Variants in PRKN observed in about 807,000 individuals in gnomAD.
PRKN encodes E3 ubiquitin-protein ligase parkin.
Under a neutral mutation model 59.5 loss-of-function variants are expected in PRKN, and 56 were observed. The observed-to-expected ratio is 0.94, with a 90% CI of 0.76 to 1.18. PRKN has a LOEUF of 1.18. Among genes scored for constraint, PRKN ranks in the 50% most tolerant of loss-of-function variants. The pLI is 0.00. For missense variants in PRKN, 657 were observed against 596.4 expected, an observed-to-expected ratio of 1.10 and a Z score of -1.06; for synonymous variants, 250 against 222.1, an observed-to-expected ratio of 1.13 and a Z score of -1.12.
intron 9 of PRKN, among the ~76,000 whole-genome samples, chr6:161,543,802 G>T (rs1779701516): frequency 6.6e-6 from 1 of 152,166 alleles, no homozygotes; most frequent in African/African-American, 2.4e-5. Context: ...AGAGAACTCA[G>T]AAGGTTTGAT....
At chr6:162,511,860 G>T (rs1777634334) in intron 1 of PRKN, among the ~76,000 whole-genome samples, 1 of 152,084 alleles carries the variant, frequency 6.6e-6, no homozygotes, top group South Asian at 2.1e-4. Context: ...CACATAAAGA[G>T]ATTTTAATTT....
intron 7 of PRKN, among the ~76,000 whole-genome samples, chr6:161,711,831 G>C (rs569872184): frequency 1.3e-5 from 2 of 152,228 alleles, no homozygotes; most frequent in East Asian, 1.9e-4. Context: ...CAAACATCAG[G>C]CTCCTAGTTC....
At chr6:162,556,411 G>A (rs1779600988) in intron 1 of PRKN, among the ~76,000 whole-genome samples, 1 of 146,612 alleles carries the variant, frequency 6.8e-6, no homozygotes, top group African/African-American at 2.5e-5. Flanking sequence ...GTGTCAGTTT[G>A]GCAGACGCCT....
chr6:162,562,128 A>C (rs760572533), intron 1 of PRKN, among the ~76,000 whole-genome samples: 1 of 152,128 alleles, frequency 6.6e-6, no homozygotes, highest in Non-Finnish European at 1.5e-5. Flanking sequence ...AAAGGGCAAC[A>C]GACTGAATTG....
At position 161,518,632 on chromosome 6, in the gene PRKN, C is replaced by G. The variant is rs970054459; in HGVS notation, c.1083+30222G>C. On this transcript the variant is annotated intron_variant, in intron 9 of 11. Transcript: ENST00000366898. The surrounding 1 kb of genome is among the most constrained non-coding windows in gnomAD (Gnocchi z 5.0). ...CACGGCCTCCCCCTAGCAGCACAAG[C>G]CCAGCCTCCGCTCACCCAGCCCCCT... Among the ~76,000 whole-genome samples the G allele has an allele frequency of 1.3e-5, 2 of 152,216 alleles. No individual in the cohort carries two copies. The highest frequency in any genetic ancestry group is 4.8e-5 in the African/African-American group (2 of 41,464).
chr6:162,266,982 G>T (rs1780170548), intron 2 of PRKN, among the ~76,000 whole-genome samples: 1 of 151,944 alleles, frequency 6.6e-6, no homozygotes, highest in Admixed American at 6.6e-5. Context: ...ACTAAAAATC[G>T]ATACAAAAAA....
At chr6:162,458,366 C>G (rs552917030) in intron 1 of PRKN, among the ~76,000 whole-genome samples, 1 of 146,214 alleles carries the variant, frequency 6.8e-6, no homozygotes, top group African/African-American at 2.5e-5. Context: ...GCAGAGGTTG[C>G]AGTAAGCCAA....
At position 162,694,236 on chromosome 6, in the gene PRKN, C is replaced by CAAA. The variant is rs149337714; in HGVS notation, c.7+33423_7+33425dup. Among the ~76,000 whole-genome samples, 315 of 92,904 alleles carry CAAA rather than the reference C, an allele frequency of 3.4e-3. 1 individual carries two copies. The highest frequency in any genetic ancestry group is 4.5e-3 in the East Asian group (14 of 3,110). 60.9% of individuals were successfully genotyped at this position (92,904 alleles called of 152,430 possible). A position where few individuals can be genotyped will look rare whatever the true frequency, so the allele number is the denominator to read the frequency against. The stretch of plus-strand genomic sequence containing the variant: ...CACTCCAGCCTGGGCAACAGTGAGA[C>CAAA]AAAAAAAAAAAAAAAAAAAAAGAAG... On this transcript the variant is annotated intron_variant, in intron 1 of 11. Coordinates refer to ENST00000366898, the MANE Select transcript of PRKN (RefSeq NM_004562.3).
chr6:162,724,231 C>T (rs1779039968), intron 1 of PRKN, among the ~76,000 whole-genome samples: 1 of 152,148 alleles, frequency 6.6e-6, no homozygotes, highest in African/African-American at 2.4e-5. Context: ...CTTTTCTATT[C>T]TGCTTTATAT....
At chr6:162,230,616 A>G (rs1488876093) in intron 3 of PRKN, among the ~76,000 whole-genome samples, 3 of 152,246 alleles carry the variant, frequency 2.0e-5, no homozygotes, top group Non-Finnish European at 4.4e-5. Context: ...GTTCTAATAC[A>G]GAACAGCATA....
chr6:161,962,188 T>C (rs913938531), intron 6 of PRKN, among the ~76,000 whole-genome samples: 3 of 152,152 alleles, frequency 2.0e-5, no homozygotes, highest in Non-Finnish European at 4.4e-5. Context: ...CATGAGAAAA[T>C]AGAGCTACAT....
At chr6:162,684,531 G>T (rs533198147) in intron 1 of PRKN, among the ~76,000 whole-genome samples, 1 of 152,064 alleles carries the variant, frequency 6.6e-6, no homozygotes, top group African/African-American at 2.4e-5. Flanking sequence ...ATTTAGAGAG[G>T]GTGGGAAACT....
chr6:161,889,087 A>T (rs1350307977), intron 6 of PRKN, among the ~76,000 whole-genome samples: 7 of 152,212 alleles, frequency 4.6e-5, no homozygotes, highest in Non-Finnish European at 2.9e-5. Context: ...TCGGCAAGAA[A>T]ATAAAATTAA....
At chr6:162,104,548 A>C (rs1346794261) in intron 4 of PRKN, among the ~76,000 whole-genome samples, 1 of 152,088 alleles carries the variant, frequency 6.6e-6, no homozygotes, top group Non-Finnish European at 1.5e-5. Flanking sequence ...AAATCAAAGA[A>C]CCGGTGCTTC....
chr6:162,527,425 T>C (rs1778331806), intron 1 of PRKN, among the ~76,000 whole-genome samples: 1 of 152,206 alleles, frequency 6.6e-6, no homozygotes, highest in South Asian at 2.1e-4. Context: ...ATAAAATAGT[T>C]ACAAAGGTTG....
At chr6:162,000,140 A>C (rs181486263) in intron 5 of PRKN, among the ~76,000 whole-genome samples, 2 of 152,154 alleles carry the variant, frequency 1.3e-5, no homozygotes, top group East Asian at 1.9e-4. Context: ...ATAAACTTTT[A>C]ATTCATTTGG....
intron 6 of PRKN, among the ~76,000 whole-genome samples, chr6:161,825,956 T>C (rs913220652): frequency 2.0e-5 from 3 of 152,162 alleles, no homozygotes; most frequent in Non-Finnish European, 4.4e-5. Context: ...CTTCTCATGT[T>C]TCCTTGCCTT....
intron 6 of PRKN, among the ~76,000 whole-genome samples, chr6:161,923,618 T>C (rs781509350): frequency 3.9e-5 from 6 of 152,204 alleles, no homozygotes; most frequent in Non-Finnish European, 7.3e-5. Context: ...TCTACTTACA[T>C]ATAATGAATA....
intron 9 of PRKN, among the ~76,000 whole-genome samples, chr6:161,425,048 A>T (rs549326646): frequency 5.3e-4 from 80 of 152,216 alleles, no homozygotes; most frequent in African/African-American, 1.9e-3. Flanking sequence ...TGTTTCTGTG[A>T]ATTGGTGTGG....
Sources: gnomAD v4.1 joint callset for allele counts (sites outside exome capture counted in the v4.1 genomes callset) on GRCh38, gnomAD v4.1.1 for gene constraint, Gnocchi (gnomAD v3.1) non-coding constraint, MANE v1.5 for transcripts, NCBI Gene and HGNC (gene_info 2026-07-23, HGNC 2026-07-21) for gene names.